SLC1A5: variants seen among roughly 807,000 people sequenced by gnomAD.
The protein encoded by SLC1A5 is solute carrier family 1 member 5.
A neutral mutation model predicts 34.9 loss-of-function variants in SLC1A5; 25 were observed. The ratio of observed to expected loss-of-function variants is 0.72; its 90% CI spans 0.52 to 1.00. SLC1A5 has a LOEUF of 1.00. SLC1A5 is among the 50% of genes least tolerant of loss of function. SLC1A5 has a pLI of 0.00. For synonymous variants in SLC1A5, 351 were observed against 341.2 expected, an observed-to-expected ratio of 1.03 and a Z score of -0.32; for missense variants, 637 against 740.0, an observed-to-expected ratio of 0.86 and a Z score of 1.61.
At position 46,787,387 on chromosome 19, in the gene SLC1A5, A is replaced by G; in HGVS notation, c.566+13T>C. 6.3e-7 allele frequency: 1 copy of G among 1,584,112 alleles called. No individual in the cohort carries two copies. The highest frequency in any genetic ancestry group is 8.6e-7 in the Non-Finnish European group (1 of 1,166,222). On this transcript the variant is annotated intron_variant, in intron 1 of 7. Coordinates refer to ENST00000542575, the MANE Select transcript of SLC1A5 (RefSeq NM_005628.3). This position sits in a 1 kb window ranked among gnomAD's most constrained non-coding sequence, Gnocchi z 5.2. ...AACACTCTTCCCCACCTCCCGGGGG[A>G]GCGGGAGCTGACCTCGCAAGATCCA...
intron 1 of SLC1A5, chr19:46,784,782 C>A: frequency 6.9e-7 from 1 of 1,441,402 alleles, no homozygotes; most frequent in South Asian, 1.5e-5. Context: ...AAGAGGCTGG[C>A]GTGCTAGCCC....
chr19:46,784,981 C>CGGT (rs1040762792), intron 1 of SLC1A5: 2 of 793,498 alleles, frequency 2.5e-6, no homozygotes, highest in Non-Finnish European at 3.2e-6. Context: ...TGTTGGGAGG[C>CGGT]GGTGGCGGGG....
chr19:46,777,428 G>T, intron 5 of SLC1A5, 23 bp from the exon 6 acceptor site: 1 of 1,589,360 alleles, frequency 6.3e-7, no homozygotes, highest in Non-Finnish European at 8.6e-7. Flanking sequence ...GGGGAGCTGA[G>T]TTAGGTTAAC....
Position 46,787,326 on chromosome 19 carries a change from C to G in SLC1A5, c.566+74G>C. On this transcript the variant is annotated intron_variant, in intron 1 of 7. Coordinates refer to ENST00000542575, the MANE Select transcript of SLC1A5 (RefSeq NM_005628.3). The surrounding 1 kb of genome is among the most constrained non-coding windows in gnomAD (Gnocchi z 5.2). ...AGTCTCTGCTCCAGGGGCCCCAAAG[C>G]CCCGTCCTGTCCACGTGACCACTCC... The G allele has an allele frequency of 1.9e-6, 3 of 1,540,578 alleles. No individual in the cohort carries two copies. Among genetic ancestry groups the G allele is most frequent in the Non-Finnish European group, 1.8e-6 (2 of 1,142,130 alleles).
At chr19:46,775,831 C>G in intron 7 of SLC1A5, 84 bp from the exon 8 acceptor site, 1 of 1,379,086 alleles carries the variant, frequency 7.3e-7, no homozygotes, top group Non-Finnish European at 9.7e-7. Context: ...AGCCTCCTGC[C>G]TCTCTCCCCC....
intron 4 of SLC1A5, 37 bp downstream of exon 4, chr19:46,782,346 A>AACCCCCCCCAC: frequency 1.8e-6 from 1 of 567,984 alleles, no homozygotes; most frequent in Admixed American, 2.7e-5. Context: ...CGACCCTCCA[A>AACCCCCCCCAC]CCCCACCCAC....
rs56363216 is a variant in SLC1A5, at chr19:46,777,119, A to G, written c.1254-10T>C. The G allele has an allele frequency of 1.8e-3, 2,983 of 1,612,906 alleles. 19 individuals carry two copies. Among genetic ancestry groups the G allele is most frequent in the South Asian group, 0.011 (961 of 90,998 alleles). On this transcript the variant is annotated splice_polypyrimidine_tract_variant and intron_variant, in intron 6 of 7. Coordinates refer to ENST00000542575, the MANE Select transcript of SLC1A5 (RefSeq NM_005628.3). Reference sequence around the variant, plus strand: ...CGCTGTGGCCGTGACCCTGAGGGAGAAGGTGGGAGGTTAGGCAGATGCCTG... The same window carrying G: ...CGCTGTGGCCGTGACCCTGAGGGAGGAGGTGGGAGGTTAGGCAGATGCCTG...
At chr19:46,782,029 G>T (rs1234840699) in intron 4 of SLC1A5, among the ~76,000 whole-genome samples, 1 of 152,094 alleles carries the variant, frequency 6.6e-6, no homozygotes, top group Non-Finnish European at 1.5e-5. Flanking sequence ...GAGTAACTGG[G>T]ATTACAGGTG....
Position 46,788,020 on chromosome 19 carries a change from CTCCT to C in SLC1A5, c.-59_-56del. The C allele has an allele frequency of 6.8e-7, 1 of 1,470,490 alleles. No individual in the cohort carries two copies. Among genetic ancestry groups the C allele is most frequent in the Non-Finnish European group, 9.0e-7 (1 of 1,110,306 alleles). 91.1% of individuals were successfully genotyped at this position (1,470,490 alleles called of 1,614,324 possible). On this transcript the variant is annotated 5_prime_UTR_variant, in exon 1 of 8. Coordinates refer to ENST00000542575, the MANE Select transcript of SLC1A5 (RefSeq NM_005628.3). ...TGGAAGCTGGCTGGGAGCGCTTGGG[CTCCT>C]TCCCAGGACCCGACGTTCCTAGGAC... is the stretch of plus-strand genomic sequence containing the variant.
At chr19:46,784,394 G>T in intron 2 of SLC1A5, 123 bp downstream of exon 2, 2 of 1,112,584 alleles carry the variant, frequency 1.8e-6, no homozygotes, top group Non-Finnish European at 2.7e-6. Context: ...GAGGCTCTGA[G>T]CCCGTATTCT....
In SLC1A5 at chr19:46,787,577, C is replaced by T; in HGVS notation, c.389G>A (p.Trp130Ter). The change falls in exon 1 of 8, where the codon TGG (tryptophan) becomes TAG (stop). Residue 130 changes from tryptophan to a stop codon, truncating the protein, a stop_gained. Transcript: ENST00000542575. LOFTEE classifies it high-confidence loss of function. This position sits in a 1 kb window ranked among gnomAD's most constrained non-coding sequence, Gnocchi z 5.2. ...DPGALGRLGAWALLFFLVTTL... is the reference protein window; with the variant it reads ...DPGALGRLGA ...GGTGACCAGGAAAAAGAGCAGCGCC[C>T]AGGCGCCCAGACGGCCGAGCGCGCC... The T allele has an allele frequency of 1.3e-6, 2 of 1,565,104 alleles. No individual in the cohort carries two copies. The highest frequency in any genetic ancestry group is 1.7e-6 in the Non-Finnish European group (2 of 1,157,242).
intron 6 of SLC1A5, 38 bp downstream of exon 6, chr19:46,777,173 G>C: frequency 6.2e-7 from 1 of 1,602,046 alleles, no homozygotes; most frequent in Non-Finnish European, 8.5e-7. Flanking sequence ...GGGTCAACAG[G>C]GGTCCGGGGG....
chr19:46,787,244 C>G lies in SLC1A5; in HGVS notation c.566+156G>C, dbSNP rs1185804177. Reference sequence around the variant, plus strand: ...CCCCAGGAGACTAGACTCACACTCCCGAGGGCTGGAGCCTCCCCTCAATAT... The same window carrying G: ...CCCCAGGAGACTAGACTCACACTCCGGAGGGCTGGAGCCTCCCCTCAATAT... On this transcript the variant is annotated intron_variant, in intron 1 of 7. Coordinates refer to ENST00000542575, the MANE Select transcript of SLC1A5 (RefSeq NM_005628.3). This position sits in a 1 kb window ranked among gnomAD's most constrained non-coding sequence, Gnocchi z 5.2. 1 of 1,442,688 alleles carries G rather than the reference C, an allele frequency of 6.9e-7. No individual in the cohort carries two copies. Among genetic ancestry groups the G allele is most frequent in the Non-Finnish European group, 9.1e-7 (1 of 1,098,942 alleles). 89.4% of individuals were successfully genotyped at this position (1,442,688 alleles called of 1,614,324 possible).
intron 4 of SLC1A5, among the ~76,000 whole-genome samples, 190 bp from the exon 5 acceptor site, chr19:46,779,098 T>G (rs977413060): frequency 2.6e-5 from 4 of 152,096 alleles, no homozygotes; most frequent in Non-Finnish European, 5.9e-5. Flanking sequence ...CATGCTCTCT[T>G]TCCCCTCAAA....
rs201671774 is a variant in SLC1A5, at chr19:46,787,494, C to G, written c.472G>C (p.Ala158Pro). Residue 158 changes from alanine to proline, a missense_variant, in exon 1 of 8, where the codon GCC (alanine) becomes CCC (proline). Coordinates refer to ENST00000542575, the MANE Select transcript of SLC1A5 (RefSeq NM_005628.3). The surrounding 1 kb of genome is among the most constrained non-coding windows in gnomAD (Gnocchi z 5.2). ...GLALALQPGA[A>P]SAAINASVGA... ...ACGGAGGCGTTGATGGCGGCGGAGG[C>G]GGCGCCCGGCTGCAGAGCCAGCGCC... The G allele has an allele frequency of 6.3e-7, 1 of 1,584,022 alleles. No homozygotes were observed. Among genetic ancestry groups the G allele is most frequent in the Non-Finnish European group, 8.6e-7 (1 of 1,166,142 alleles).
chr19:46,784,884 A>T, intron 1 of SLC1A5: 1 of 1,353,864 alleles, frequency 7.4e-7, no homozygotes, highest in Non-Finnish European at 9.5e-7. Flanking sequence ...CCATGCAGCA[A>T]ACTTAATACC....
Position 46,782,379 on chromosome 19 carries a change from C to A in SLC1A5, c.824+4G>T. 1 of 1,606,338 alleles carries A rather than the reference C, an allele frequency of 6.2e-7. No individual in the cohort carries two copies. The highest frequency in any genetic ancestry group is 1.1e-5 in the South Asian group (1 of 90,818). On this transcript the variant is annotated splice_donor_region_variant and intron_variant, in intron 4 of 7. Coordinates refer to ENST00000542575, the MANE Select transcript of SLC1A5 (RefSeq NM_005628.3). ...CACCCCCAGCCTCCTCTCCCACCACCTACCACATGATCCAGGAGACCAGAA... is the reference window on the plus strand; with the variant it reads ...CACCCCCAGCCTCCTCTCCCACCACATACCACATGATCCAGGAGACCAGAA...
chr19:46,783,481 A>AAG lies in SLC1A5; in HGVS notation c.657+615_657+616insCT, dbSNP rs2055163567. Among the ~76,000 whole-genome samples, 8 of 140,328 alleles carry AAG rather than the reference A, an allele frequency of 5.7e-5. No individual in the cohort carries two copies. The South Asian group carries it at 1.4e-3, about 25-fold the overall frequency. 92.1% of individuals were successfully genotyped at this position (140,328 alleles called of 152,430 possible). A position where few individuals can be genotyped will look rare whatever the true frequency, so the allele number is the denominator to read the frequency against. On this transcript the variant is annotated intron_variant, in intron 3 of 7. Coordinates refer to ENST00000542575, the MANE Select transcript of SLC1A5 (RefSeq NM_005628.3). ...AATTCTGTCTCAAAAAAAAAAAAAA[A>AAG]AAAGAAAGAAAGAAAAGAAAAGATA...
At position 46,775,383 on chromosome 19, in the gene SLC1A5, T is replaced by C; in HGVS notation, c.*127A>G. The C allele has an allele frequency of 6.6e-7, 1 of 1,509,672 alleles. No homozygotes were observed. Among genetic ancestry groups the C allele is most frequent in the Non-Finnish European group, 8.8e-7 (1 of 1,132,450 alleles). 93.5% of individuals were successfully genotyped at this position (1,509,672 alleles called of 1,614,324 possible). A position where few individuals can be genotyped will look rare whatever the true frequency, so the allele number is the denominator to read the frequency against. ...CCAGATCTCCTGTCCTGGAGGGTGC[T>C]GGGGCCCCTGGCTCCCCAGAGTGTG... On this transcript the variant is annotated 3_prime_UTR_variant, in exon 8 of 8. Transcript: ENST00000542575.
Sources: allele counts gnomAD v4.1 joint callset (sites outside exome capture counted in the v4.1 genomes callset), GRCh38; gene constraint gnomAD v4.1.1; non-coding constraint Gnocchi (gnomAD v3.1); transcripts MANE v1.5; gene names NCBI Gene and HGNC (gene_info 2026-07-23, HGNC 2026-07-21).